MYH11: variants seen among roughly 807,000 people sequenced by gnomAD.
MYH11 encodes the protein myosin-11.
MYH11 carries 80 observed loss-of-function variants against 246.6 expected under a neutral mutation model. The observed-to-expected ratio is 0.32, with a 90% CI of 0.27 to 0.39. The LOEUF is 0.39. Ranked by LOEUF, MYH11 falls within the 10% of genes least tolerant of loss-of-function variation. MYH11 has a pLI of 1.00. For synonymous variants in MYH11, 1,071 were observed against 1,015.5 expected, an observed-to-expected ratio of 1.05 and a Z score of -1.04; for missense variants, 2,158 against 2,546.8, an observed-to-expected ratio of 0.85 and a Z score of 3.29.
chr16:15,738,826 G>T lies in MYH11; in HGVS notation c.2998-138C>A, dbSNP rs1218853840. The T allele has an allele frequency of 4.9e-6, 5 of 1,024,716 alleles. No individual in the cohort carries two copies. The African/African-American group carries it at 6.5e-5, about 13-fold the overall frequency. 63.5% of individuals were successfully genotyped at this position (1,024,716 alleles called of 1,614,324 possible). On this transcript the variant is annotated intron_variant, in intron 23 of 40. Transcript: ENST00000300036. ...CAAAATACAACTAGAGTTTTAAATG[G>T]TAAAGAGAAGTCCCATAACAATTTC... is the stretch of plus-strand genomic sequence containing the variant.
rs115592956 is a variant in MYH11, at chr16:15,777,680, A to G, written c.790+1100T>C. ...GAATCCTGGCTGGTTTGGGCAGATT[A>G]AAGTAGAAACGTAGAAAACATTGAG... On this transcript the variant is annotated intron_variant, in intron 7 of 40. Coordinates refer to ENST00000300036, the MANE Select transcript of MYH11 (RefSeq NM_002474.3). Among the ~76,000 whole-genome samples the G allele has an allele frequency of 4.0e-3, 611 of 152,252 alleles. 5 individuals carry two copies. The highest frequency in any genetic ancestry group is 0.014 in the African/African-American group (588 of 41,538).
chr16:15,840,112 G>C (rs1011190692), intron 1 of MYH11, among the ~76,000 whole-genome samples: 4 of 152,132 alleles, frequency 2.6e-5, no homozygotes, highest in African/African-American at 7.2e-5. Context: ...AAGAGGCACA[G>C]AAGAGGTACA....
chr16:15,756,585 A>G, intron 13 of MYH11, 71 bp from the exon 14 acceptor site: 2 of 1,514,144 alleles, frequency 1.3e-6, no homozygotes, highest in Non-Finnish European at 1.8e-6. Flanking sequence ...GAGCTGGCCA[A>G]CTATACACAA....
chr16:15,814,213 A>C (rs1283229951), intron 3 of MYH11, among the ~76,000 whole-genome samples: 2 of 152,036 alleles, frequency 1.3e-5, no homozygotes, highest in Admixed American at 6.6e-5. Context: ...AGGGGAGAAC[A>C]GCAAAGCCAT....
chr16:15,721,939 C>T (rs564138733), intron 31 of MYH11, among the ~76,000 whole-genome samples: 3 of 152,124 alleles, frequency 2.0e-5, no homozygotes, highest in African/African-American at 7.2e-5. Flanking sequence ...TTCACTGCAA[C>T]CTCCGCCTCG....
Position 15,740,126 on chromosome 16 carries a change from G to C in MYH11, c.2922C>G (p.Val974=), listed in dbSNP as rs2041231834. The change falls in exon 23 of 41, where the codon GTC becomes GTG. Residue 974 remains valine, a synonymous_variant. Transcript: ENST00000300036. The stretch of plus-strand genomic sequence containing the variant: ...GTTTCTTGATCTTGGCCTCAGCCGT[G>C]ACCTTCTCAAGTTGCAGCTTCTGCC... The part of the protein sequence containing the change: ...AARQKLQLEK[V]TAEAKIKKLE... 2 of 1,614,082 alleles carry C rather than the reference G, an allele frequency of 1.2e-6. No homozygotes were observed. The highest frequency in any genetic ancestry group is 1.7e-5 in the Admixed American group (1 of 60,006).
chr16:15,794,779 G>C (rs1214869708), intron 4 of MYH11, among the ~76,000 whole-genome samples: 2 of 152,180 alleles, frequency 1.3e-5, no homozygotes, highest in African/African-American at 4.8e-5. Context: ...AGGGCAAACA[G>C]TATGGACAGA....
At chr16:15,729,031 G>A (rs921185336) in intron 27 of MYH11, among the ~76,000 whole-genome samples, 1 of 152,086 alleles carries the variant, frequency 6.6e-6, no homozygotes, top group African/African-American at 2.4e-5. Context: ...ATAGTCCCTG[G>A]GAGGTGCTGG....
Position 15,717,173 on chromosome 16 carries a change from GCAAT to G in MYH11, c.5467_5470del (p.Ile1823HisfsTer21). 1 of 1,614,210 alleles carries G rather than the reference GCAAT, an allele frequency of 6.2e-7. No individual in the cohort carries two copies. ...CTGCTCGACCTGCTCCTCCAGCTGT[GCAAT>G]CTTGGCCTCCAGCGCCGCGATGGTG... On this transcript the variant is annotated frameshift_variant, in exon 38 of 41. Transcript: ENST00000300036. LOFTEE classifies it high-confidence loss of function.
At chr16:15,709,031 G>A (rs916535182) in intron 40 of MYH11, among the ~76,000 whole-genome samples, 1 of 151,840 alleles carries the variant, frequency 6.6e-6, no homozygotes, top group Non-Finnish European at 1.5e-5. Context: ...CAACCTCTAC[G>A]TCCTGGATTC....
chr16:15,704,173 G>C (rs1449840751), intron 40 of MYH11, 50 bp from the exon 41 acceptor site: 12 of 1,607,962 alleles, frequency 7.5e-6, no homozygotes, highest in South Asian at 3.3e-5. Context: ...CTTCATGGTT[G>C]GGATAGATTT....
intron 4 of MYH11, among the ~76,000 whole-genome samples, chr16:15,795,737 G>C (rs563525459): frequency 2.4e-4 from 37 of 152,296 alleles, no homozygotes; most frequent in African/African-American, 8.2e-4. Context: ...CTCACCATGG[G>C]GCAGTGGCCT....
At chr16:15,829,734 T>C (rs1338892363) in intron 2 of MYH11, among the ~76,000 whole-genome samples, 1 of 152,190 alleles carries the variant, frequency 6.6e-6, no homozygotes, top group African/African-American at 2.4e-5. Flanking sequence ...TCTGACGCTT[T>C]ATATGGTCAG....
chr16:15,781,290 C>T, intron 6 of MYH11, among the ~76,000 whole-genome samples: 1 of 152,148 alleles, frequency 6.6e-6, no homozygotes, highest in Non-Finnish European at 1.5e-5. Flanking sequence ...GTGTATTCAT[C>T]TAATACGTGT....
Position 15,784,697 on chromosome 16 carries a change from C to T in MYH11, c.633+1933G>A, listed in dbSNP as rs770424951. Reference sequence around the variant, plus strand: ...CCAGGAAAACACTCTCAGTTACTCACGTAGGCAAAAGATGGGCCTTGCTGT... The same window carrying T: ...CCAGGAAAACACTCTCAGTTACTCATGTAGGCAAAAGATGGGCCTTGCTGT... On this transcript the variant is annotated intron_variant, in intron 5 of 40. Transcript: ENST00000300036. The T allele has an allele frequency of 2.0e-5, 33 of 1,613,740 alleles. No homozygotes were observed. In the South Asian group the frequency reaches 2.6e-4, roughly 13 times the overall value.
chr16:15,834,523 T>C (rs983911256), intron 2 of MYH11, among the ~76,000 whole-genome samples: 3 of 134,374 alleles, frequency 2.2e-5, no homozygotes, highest in Non-Finnish European at 4.7e-5. Flanking sequence ...TGAAATTCCA[T>C]CTCAAAAAAA....
intron 3 of MYH11, among the ~76,000 whole-genome samples, chr16:15,806,259 T>G (rs1596872012): frequency 2.8e-5 from 3 of 108,086 alleles, no homozygotes; most frequent in Non-Finnish European, 3.4e-5. Context: ...CCCGGGCGAG[T>G]GCAGTGAGAC....
In MYH11 at chr16:15,784,682, A is replaced by T. The variant is rs563503340; in HGVS notation, c.633+1948T>A. ...TGCCTCCCCTACACACCAGGAAAAC[A>T]CTCTCAGTTACTCACGTAGGCAAAA... is the stretch of plus-strand genomic sequence containing the variant. On this transcript the variant is annotated intron_variant, in intron 5 of 40. Coordinates refer to ENST00000300036, the MANE Select transcript of MYH11 (RefSeq NM_002474.3). 2.5e-6 allele frequency: 4 copies of T among 1,613,372 alleles called. No individual in the cohort carries two copies. Among genetic ancestry groups the T allele is most frequent in the South Asian group, 1.1e-5 (1 of 91,018 alleles).
At chr16:15,725,583 C>CA in intron 28 of MYH11, 1 of 406,962 alleles carries the variant, frequency 2.5e-6, no homozygotes, top group Non-Finnish European at 4.3e-6. Flanking sequence ...CCTACCCCTC[C>CA]ATCTCTTCCA....
Sources: allele counts gnomAD v4.1 joint callset (sites outside exome capture counted in the v4.1 genomes callset), GRCh38; gene constraint gnomAD v4.1.1; transcripts MANE v1.5; gene names NCBI Gene and HGNC (gene_info 2026-07-23, HGNC 2026-07-21).